Variants in ACAD11 observed in about 807,000 individuals in gnomAD.
The protein encoded by ACAD11 is acyl-Coenzyme A dehydrogenase family, member 11.
Under a neutral mutation model 102.2 loss-of-function variants are expected in ACAD11, and 83 were observed. The observed-to-expected ratio is 0.81, with a 90% CI of 0.68 to 0.97. The LOEUF is 0.97. Among genes scored for constraint, ACAD11 ranks in the 50% least tolerant of loss-of-function variants. The pLI is 0.00. For synonymous variants in ACAD11, 324 were observed against 319.8 expected (o/e 1.01, Z -0.14); for missense variants, 901 against 951.7 (o/e 0.95, Z 0.70).
chr3:132,559,879 C>G lies in ACAD11; in HGVS notation c.2182G>C (p.Val728Leu). 1 of 1,613,722 alleles carries G rather than the reference C, an allele frequency of 6.2e-7. No homozygotes were observed. The highest frequency in any genetic ancestry group is 8.5e-7 in the Non-Finnish European group (1 of 1,179,822). Reference protein sequence around the residue: ...VSKIVDWAIQVCGGAGVSQDY... With the variant: ...VSKIVDWAIQLCGGAGVSQDY... ...TGGGAAACACCAGCACCTCCGCACA[C>G]CTGGATGGCCCAGTCAACGATTTTG... Residue 728 changes from valine to leucine, a missense_variant, in exon 19 of 20, where the codon GTG becomes CTG. Transcript: ENST00000264990.
At position 132,603,250 on chromosome 3, in the gene ACAD11, C is replaced by T. The variant is rs376052475; in HGVS notation, c.1600G>A (p.Gly534Ser). ...QRDEDSYVIN[G>S]KKWWSSGAGN... ...TCACCACTGCTCCACCATTTTTTGC[C>T]GTTAATTACATAGCTATCTTCATCT... The change falls in exon 13 of 20, where the codon GGC becomes AGC. Residue 534 changes from glycine to serine, a missense_variant. Gly to Ser is a moderately conservative substitution (Grantham distance 56). Coordinates refer to ENST00000264990, the MANE Select transcript of ACAD11 (RefSeq NM_032169.5). 2.4e-5 allele frequency: 39 copies of T among 1,613,630 alleles called. No homozygotes were observed. The African/African-American group carries it at 2.5e-4, about 11-fold the overall frequency.
intron 17 of ACAD11, among the ~76,000 whole-genome samples, chr3:132,567,339 T>G (rs1327400692): frequency 6.6e-6 from 1 of 152,102 alleles, no homozygotes; most frequent in East Asian, 1.9e-4. Flanking sequence ...AAAATGTCTA[T>G]ACTTGACTCA....
At chr3:132,637,801 T>C (rs946947219) in intron 5 of ACAD11, among the ~76,000 whole-genome samples, 6 of 152,154 alleles carry the variant, frequency 3.9e-5, no homozygotes, top group African/African-American at 4.8e-5. Context: ...GTAGTTTCCT[T>C]TACTGGCTTA....
At chr3:132,596,216 T>C (rs1300436741) in intron 13 of ACAD11, among the ~76,000 whole-genome samples, 1 of 152,084 alleles carries the variant, frequency 6.6e-6, no homozygotes, top group Non-Finnish European at 1.5e-5. Context: ...CACTTATAAG[T>C]GGGAGCTAAG....
At chr3:132,605,049 A>T (rs989359864) in intron 12 of ACAD11, 49 bp downstream of exon 12, 2 of 1,425,002 alleles carry the variant, frequency 1.4e-6, no homozygotes, top group Admixed American at 1.7e-5. Flanking sequence ...ATCCATAATA[A>T]CTCCGGGACG....
intron 1 of ACAD11, chr3:132,654,323 C>T (rs910812559): frequency 1.6e-4 from 24 of 152,260 alleles, no homozygotes; most frequent in African/African-American, 5.8e-4. Flanking sequence ...GCCTATTATG[C>T]ACTGATATAT....
chr3:132,659,359 A>G, intron 1 of ACAD11: 2 of 516,168 alleles, frequency 3.9e-6, no homozygotes, highest in South Asian at 5.3e-5. Flanking sequence ...ATCCTTTAAC[A>G]AAGATTCCTT....
intron 1 of ACAD11, among the ~76,000 whole-genome samples, chr3:132,658,748 TAGTC>T (rs1937953712): frequency 6.6e-6 from 1 of 152,222 alleles, no homozygotes; most frequent in Non-Finnish European, 1.5e-5. Flanking sequence ...CCAAAATCAG[TAGTC>T]AAAGAATATA....
intron 1 of ACAD11, 23 bp from the exon 2 acceptor site, chr3:132,644,919 A>G (rs770298526): frequency 1.4e-6 from 2 of 1,419,684 alleles, no homozygotes; most frequent in East Asian, 4.6e-5. Context: ...AAAAAAAAAA[A>G]AGGTCAATTA....
Position 132,605,161 on chromosome 3 carries a change from G to A in ACAD11, c.1459C>T (p.Gln487Ter). 1 of 1,613,720 alleles carries A rather than the reference G, an allele frequency of 6.2e-7. No homozygotes were observed. Among genetic ancestry groups the A allele is most frequent in the Non-Finnish European group, 8.5e-7 (1 of 1,179,668 alleles). ...AGAGGCTCAAGCCACTGTTTCTTCT[G>A]TTCCTCACTTCCATACAGGTGCAGA... ...EVLHLYGSEE[Q>*]KKQWLEPLLQ... Residue 487 changes from glutamine to a stop codon, truncating the protein, a stop_gained, in exon 12 of 20, where the codon CAG becomes TAG. Transcript: ENST00000264990. LOFTEE classifies it high-confidence loss of function.
At chr3:132,624,985 AT>A (rs1373989014) in intron 9 of ACAD11, among the ~76,000 whole-genome samples, 2 of 152,084 alleles carry the variant, frequency 1.3e-5, no homozygotes, top group Non-Finnish European at 2.9e-5. Context: ...ACACTGGTCC[AT>A]TTGCATTTTT....
chr3:132,600,442 A>C (rs1381412752), intron 13 of ACAD11: 7 of 1,609,820 alleles, frequency 4.3e-6, no homozygotes, highest in Non-Finnish European at 5.9e-6. Flanking sequence ...ATTATGAGGA[A>C]AATGAAATGA....
intron 7 of ACAD11, among the ~76,000 whole-genome samples, chr3:132,629,316 A>C (rs1939942757): frequency 2.6e-5 from 4 of 152,094 alleles, no homozygotes; most frequent in African/African-American, 9.7e-5. Flanking sequence ...ACATGCCGCC[A>C]CACCTGGCTA....
chr3:132,634,941 G>T (rs531687777), intron 5 of ACAD11, among the ~76,000 whole-genome samples: 82 of 150,896 alleles, frequency 5.4e-4, no homozygotes, highest in African/African-American at 9.5e-4. Flanking sequence ...CATTAGGAGA[G>T]ATACCTAATG....
intron 2 of ACAD11, among the ~76,000 whole-genome samples, chr3:132,643,636 G>A (rs1276841098): frequency 1.3e-5 from 2 of 152,000 alleles, no homozygotes; most frequent in African/African-American, 4.8e-5. Context: ...ACTGGAAGAG[G>A]AAAGTAACGA....
At chr3:132,609,310 T>C (rs1365845386) in intron 11 of ACAD11, among the ~76,000 whole-genome samples, 4 of 151,838 alleles carry the variant, frequency 2.6e-5, no homozygotes, top group African/African-American at 7.3e-5. Context: ...CTGAAGGAGA[T>C]AGGGACAAGA....
chr3:132,591,012 G>T (rs944819527), intron 13 of ACAD11, among the ~76,000 whole-genome samples: 9 of 152,092 alleles, frequency 5.9e-5, no homozygotes, highest in African/African-American at 2.2e-4. Flanking sequence ...AGTTTAATTA[G>T]ATCTCACTTG....
intron 1 of ACAD11, 66 bp downstream of exon 1, chr3:132,659,537 G>T: frequency 6.2e-7 from 1 of 1,601,058 alleles, no homozygotes; most frequent in Non-Finnish European, 8.5e-7. Flanking sequence ...AACCACCCAG[G>T]GCCAAAGGAA....
intron 5 of ACAD11, among the ~76,000 whole-genome samples, chr3:132,636,514 A>T (rs1940279669): frequency 6.6e-6 from 1 of 152,244 alleles, no homozygotes; most frequent in African/African-American, 2.4e-5. Flanking sequence ...AGAAAATAAT[A>T]GAATTTGTAA....
Sources: allele counts gnomAD v4.1 joint callset (sites outside exome capture counted in the v4.1 genomes callset), GRCh38; gene constraint gnomAD v4.1.1; transcripts MANE v1.5; gene names NCBI Gene and HGNC (gene_info 2026-07-23, HGNC 2026-07-21).